Variants in TBATA observed in about 807,000 individuals in gnomAD.
TBATA encodes the protein thymus, brain and testes associated.
In TBATA, 47 loss-of-function variants were observed where a neutral mutation model predicts 38.7. The observed-to-expected ratio is 1.21, with a 90% CI of 0.96 to 1.55. The LOEUF (loss-of-function observed/expected upper bound fraction) is 1.55. Among genes scored for constraint, TBATA ranks in the 40% most tolerant of loss-of-function variants. The pLI, the probability that TBATA is intolerant of heterozygous loss-of-function variation, is 0.00. For missense variants in TBATA, 436 were observed against 435.6 expected, an observed-to-expected ratio of 1.00 and a Z score of -0.01; for synonymous variants, 183 against 170.5, an observed-to-expected ratio of 1.07 and a Z score of -0.57.
intron 8 of TBATA, among the ~76,000 whole-genome samples, chr10:70,774,800 G>T (rs372866117): frequency 6.6e-6 from 1 of 152,162 alleles, no homozygotes; most frequent in Non-Finnish European, 1.5e-5. Context: ...CTGTGTTCAT[G>T]TGTATACACA....
At chr10:70,780,126 T>C (rs537073503) in intron 4 of TBATA, among the ~76,000 whole-genome samples, 48 of 152,212 alleles carry the variant, frequency 3.2e-4, no homozygotes, top group Middle Eastern at 3.4e-3. Context: ...GCGAGGGCAT[T>C]ATGTCACAGT....
intron 5 of TBATA, among the ~76,000 whole-genome samples, chr10:70,779,135 C>T (rs1000093566): frequency 3.9e-5 from 6 of 152,220 alleles, no homozygotes; most frequent in Non-Finnish European, 7.3e-5. Context: ...GATCTCTTCC[C>T]TGTCCCCACC....
chr10:70,783,495 C>A lies in TBATA; in HGVS notation c.-116G>T. 1 of 1,240,194 alleles carries A rather than the reference C, an allele frequency of 8.1e-7. No individual in the cohort carries two copies. The highest frequency in any genetic ancestry group is 1.2e-6 in the Non-Finnish European group (1 of 856,588). The allele number at this position is 1,240,194 out of a possible 1,614,324, so 76.8% of individuals were successfully genotyped here. A position where few individuals can be genotyped will look rare whatever the true frequency, so the allele number is the denominator to read the frequency against. On this transcript the variant is annotated 5_prime_UTR_variant, in exon 3 of 11. Coordinates refer to ENST00000456372, the MANE Select transcript of TBATA (RefSeq NM_001318241.2). ...GATGCAGAACAGGAACTCTCACGAA[C>A]TGGTGGTGGAAGTGTAAACGGGAAC... is the stretch of plus-strand genomic sequence containing the variant.
At position 70,779,586 on chromosome 10, in the gene TBATA, T is replaced by G; in HGVS notation, c.427+7A>C. On this transcript the variant is annotated splice_region_variant and intron_variant, in intron 5 of 10. Transcript: ENST00000456372. Reference sequence around the variant, plus strand: ...AGGGTAGAGGGAGGCATGGCCCAAGTACCCACCAGAAGAAAGCTGGGGGTT... The same window carrying G: ...AGGGTAGAGGGAGGCATGGCCCAAGGACCCACCAGAAGAAAGCTGGGGGTT... 6.7e-7 allele frequency: 1 copy of G among 1,483,184 alleles called. No individual in the cohort carries two copies. The highest frequency in any genetic ancestry group is 8.9e-7 in the Non-Finnish European group (1 of 1,122,074). 91.9% of individuals were successfully genotyped at this position (1,483,184 alleles called of 1,614,324 possible). A position where few individuals can be genotyped will look rare whatever the true frequency, so the allele number is the denominator to read the frequency against.
rs1321815747 is a variant in TBATA at position 70,783,638 on chromosome 10, T to G, written c.-146-113A>C. 4.7e-5 allele frequency: 20 copies of G among 421,972 alleles called. 1 individual carries two copies. In the South Asian group the frequency reaches 5.3e-4, roughly 11 times the overall value. 26.1% of individuals were successfully genotyped at this position (421,972 alleles called of 1,614,324 possible). On this transcript the variant is annotated intron_variant, in intron 2 of 10. Coordinates refer to ENST00000456372, the MANE Select transcript of TBATA (RefSeq NM_001318241.2). ...ATTCTTATAGATGTACAACAGGGGC[T>G]ACTTATAAGAATATTCATACAAACA...
rs560810843 is a variant in TBATA, at chr10:70,772,888, A to T, written c.921-322T>A. Among the ~76,000 whole-genome samples the T allele has an allele frequency of 2.6e-5, 4 of 152,046 alleles. No homozygotes were observed. The East Asian group carries it at 7.7e-4, about 29-fold the overall frequency. On this transcript the variant is annotated intron_variant, in intron 9 of 10. Coordinates refer to ENST00000456372, the MANE Select transcript of TBATA (RefSeq NM_001318241.2). ...TGCATCAGCCCTCCCCCTAGCCCTG[A>T]CTCACTCGCTCCACTGGTTTCCTTG...
rs367651793 is a variant in TBATA, at chr10:70,775,166, G to T, written c.775+23C>A. 37 of 1,601,882 alleles carry T rather than the reference G, an allele frequency of 2.3e-5. No individual in the cohort carries two copies. The African/African-American group carries it at 4.2e-4, about 18-fold the overall frequency. The stretch of plus-strand genomic sequence containing the variant: ...GACCTTGGCAGCCTCCACTGAGACA[G>T]TGCTGCGGGGCTGTGTCCTCACCCT... On this transcript the variant is annotated intron_variant, in intron 8 of 10. Transcript: ENST00000456372.
intron 10 of TBATA, among the ~76,000 whole-genome samples, chr10:70,772,033 A>G (rs1344519793): frequency 6.6e-6 from 1 of 152,050 alleles, no homozygotes; most frequent in East Asian, 1.9e-4. Flanking sequence ...AGAAGGCCCC[A>G]GCCACCATGG....
chr10:70,774,956 C>T (rs553135503), intron 8 of TBATA, among the ~76,000 whole-genome samples: 8 of 152,242 alleles, frequency 5.3e-5, no homozygotes, highest in African/African-American at 1.7e-4. Context: ...AAAGAGGGGT[C>T]CCCTCCAAGG....
At position 70,773,473 on chromosome 10, in the gene TBATA, G is replaced by A. The variant is rs55848406; in HGVS notation, c.920+740C>T. ...GACTGTTAAAAATACAGGCCCCCCC[G>A]GCTTCACCCCGGCCTGCTATGTTAG... On this transcript the variant is annotated intron_variant, in intron 9 of 10. Coordinates refer to ENST00000456372, the MANE Select transcript of TBATA (RefSeq NM_001318241.2). 2.7e-3 allele frequency among the ~76,000 whole-genome samples: 402 copies of A among 151,428 alleles called. 1 individual carries two copies. The highest frequency in any genetic ancestry group is 9.2e-3 in the African/African-American group (381 of 41,256).
At chr10:70,779,195 C>T (rs1843815866) in intron 5 of TBATA, among the ~76,000 whole-genome samples, 2 of 152,220 alleles carry the variant, frequency 1.3e-5, no homozygotes, top group Admixed American at 1.3e-4. Context: ...CTTGGCAGAG[C>T]AGAGACCTCT....
At position 70,776,154 on chromosome 10, in the gene TBATA, G is replaced by A. The variant is rs144797115; in HGVS notation, c.694-884C>T. Among the ~76,000 whole-genome samples, 569 of 152,242 alleles carry A rather than the reference G, an allele frequency of 3.7e-3. 22 individuals carry two copies. The East Asian group carries it at 0.084, about 23-fold the overall frequency. On this transcript the variant is annotated intron_variant, in intron 7 of 10. Transcript: ENST00000456372. ...GTCATCCTAGGACCTGGAGGGGCCC[G>A]TCGGTCCCCAGCAGGTCGGCCTCAT...
chr10:70,777,557 C>G (rs1002453130), intron 6 of TBATA, among the ~76,000 whole-genome samples: 11 of 152,182 alleles, frequency 7.2e-5, no homozygotes, highest in African/African-American at 2.2e-4. Flanking sequence ...CCGGCCCTCT[C>G]TCTGGCAGCT....
At chr10:70,772,483 C>T in intron 10 of TBATA, 31 bp downstream of exon 10, 1 of 1,610,952 alleles carries the variant, frequency 6.2e-7, no homozygotes, top group Non-Finnish European at 8.5e-7. Flanking sequence ...CTTGGTGAGT[C>T]CCCCAAATGA....
At chr10:70,777,056 A>T in intron 7 of TBATA, 97 bp downstream of exon 7, 1 of 1,335,544 alleles carries the variant, frequency 7.5e-7, no homozygotes, top group Non-Finnish European at 1.0e-6. Context: ...TAACAGTCCT[A>T]GGCACCAGTA....
rs1292686056 is a variant in TBATA, at chr10:70,771,285, T to C, written c.*91A>G. On this transcript the variant is annotated 3_prime_UTR_variant, in exon 11 of 11. Transcript: ENST00000456372. Reference sequence around the variant, plus strand: ...TAGTAAGAGTTTTCACGGTAGGGAATCAGGTACTGCTGTGAAGGTGGTGGA... The same window carrying C: ...TAGTAAGAGTTTTCACGGTAGGGAACCAGGTACTGCTGTGAAGGTGGTGGA... 1.2e-6 allele frequency: 2 copies of C among 1,612,048 alleles called. No homozygotes were observed. Among genetic ancestry groups the C allele is most frequent in the African/African-American group, 2.7e-5 (2 of 74,884 alleles).
At position 70,775,237 on chromosome 10, in the gene TBATA, C is replaced by T. The variant is rs143227944; in HGVS notation, c.727G>A (p.Asp243Asn). ...LELLCRILET[D>N]LLSAIQFWLL... Reference sequence around the variant, plus strand: ...CAGAACTGGATTGCGCTTAGCAAGTCTGTTTCCAGGATCCGACACAGGAGC... The same window carrying T: ...CAGAACTGGATTGCGCTTAGCAAGTTTGTTTCCAGGATCCGACACAGGAGC... Residue 243 changes from aspartate to asparagine, a missense_variant, in exon 8 of 11, where the codon GAC becomes AAC. Physicochemically the swap from Asp to Asn is conservative, Grantham distance 23. Coordinates refer to ENST00000456372, the MANE Select transcript of TBATA (RefSeq NM_001318241.2). 2.5e-5 allele frequency: 40 copies of T among 1,614,060 alleles called. No homozygotes were observed. The highest frequency in any genetic ancestry group is 3.1e-5 in the Non-Finnish European group (37 of 1,180,024).
chr10:70,775,327 A>T lies in TBATA; in HGVS notation c.694-57T>A. Reference sequence around the variant, plus strand: ...GGAGTACAGGCAAGGAGTACAGGCAAATGTAGGTTTGGAGGGCACCAAGGA... The same window carrying T: ...GGAGTACAGGCAAGGAGTACAGGCATATGTAGGTTTGGAGGGCACCAAGGA... On this transcript the variant is annotated intron_variant, in intron 7 of 10. Coordinates refer to ENST00000456372, the MANE Select transcript of TBATA (RefSeq NM_001318241.2). The T allele has an allele frequency of 2.6e-6, 4 of 1,511,796 alleles. 1 individual carries two copies. The South Asian group carries it at 4.5e-5, about 17-fold the overall frequency. 93.6% of individuals were successfully genotyped at this position (1,511,796 alleles called of 1,614,324 possible). A position where few individuals can be genotyped will look rare whatever the true frequency, so the allele number is the denominator to read the frequency against.
Position 70,783,470 on chromosome 10 carries a change from G to A in TBATA, c.-91C>T. 1.4e-6 allele frequency: 2 copies of A among 1,473,840 alleles called. No homozygotes were observed. The highest frequency in any genetic ancestry group is 9.5e-7 in the Non-Finnish European group (1 of 1,057,570). 91.3% of individuals were successfully genotyped at this position (1,473,840 alleles called of 1,614,324 possible). ...ACTCTCACTTAATACTAGTGTTGAG[G>A]ATGCAGAACAGGAACTCTCACGAAC... On this transcript the variant is annotated 5_prime_UTR_variant, in exon 3 of 11. Transcript: ENST00000456372.
Sources: allele counts gnomAD v4.1 joint callset (sites outside exome capture counted in the v4.1 genomes callset), GRCh38; gene constraint gnomAD v4.1.1; transcripts MANE v1.5; gene names NCBI Gene and HGNC (gene_info 2026-07-23, HGNC 2026-07-21).